The following ALDH1L1 variants were observed in gnomAD, a reference collection of about 807,000 sequenced individuals.
The protein encoded by ALDH1L1 is cytosolic 10-formyltetrahydrofolate dehydrogenase.
ALDH1L1 carries 68 observed loss-of-function variants against 101.1 expected under a neutral mutation model. That is an observed-to-expected ratio of 0.67 (90% confidence interval 0.55 to 0.82). The LOEUF is 0.82. ALDH1L1 is among the 40% of genes least tolerant of loss of function. The probability of loss-of-function intolerance (pLI) is 0.00; values close to 1 mark genes in which losing one functional copy is unlikely to be tolerated. For missense variants in ALDH1L1, 1,087 were observed against 1,172.7 expected, an observed-to-expected ratio of 0.93 and a Z score of 1.07; for synonymous variants, 486 against 470.8, an observed-to-expected ratio of 1.03 and a Z score of -0.42.
intron 1 of ALDH1L1, among the ~76,000 whole-genome samples, chr3:126,193,459 C>G (rs763513670): frequency 1.3e-5 from 2 of 152,124 alleles, no homozygotes; most frequent in Non-Finnish European, 2.9e-5. Context: ...AAAAAAATCC[C>G]CCTTTTTGCT....
chr3:126,170,352 C>T (rs2081249527), intron 1 of ALDH1L1, among the ~76,000 whole-genome samples: 1 of 149,946 alleles, frequency 6.7e-6, no homozygotes, highest in Non-Finnish European at 1.5e-5. Flanking sequence ...TTATTATCCT[C>T]ATAGCAGGAA....
intron 14 of ALDH1L1, among the ~76,000 whole-genome samples, chr3:126,126,614 A>C (rs1050591587): frequency 1.5e-4 from 23 of 152,180 alleles, no homozygotes; most frequent in Non-Finnish European, 2.6e-4. Flanking sequence ...GATTGGGAGC[A>C]CAGCACGGGC....
At chr3:126,155,665 G>A (rs994190252) in intron 4 of ALDH1L1, 162 bp from the exon 5 acceptor site, 12 of 559,918 alleles carry the variant, frequency 2.1e-5, no homozygotes, top group Non-Finnish European at 3.1e-5. Flanking sequence ...GGGAGTCAGC[G>A]TGAACCTAAC....
chr3:126,159,227 C>A (rs1420242075), intron 2 of ALDH1L1, among the ~76,000 whole-genome samples: 1 of 151,744 alleles, frequency 6.6e-6, no homozygotes. Context: ...TGCGTGCACA[C>A]ACACACACAC....
intron 12 of ALDH1L1, 37 bp from the exon 13 acceptor site, chr3:126,131,571 G>A (rs754419908): frequency 6.3e-7 from 1 of 1,581,620 alleles, no homozygotes; most frequent in Non-Finnish European, 8.6e-7. Flanking sequence ...GTGGGCTCAG[G>A]CCTGGCACGG....
rs557427445 is a variant in ALDH1L1, at chr3:126,162,148, G to T, written c.-23-1146C>A. 5.9e-5 allele frequency among the ~76,000 whole-genome samples: 9 copies of T among 152,222 alleles called. No homozygotes were observed. In the South Asian group the frequency reaches 1.5e-3, roughly 25 times the overall value. ...AATTTGGGTAGTTACCAGTTTAAAG[G>T]TATTACAAATAGGATGCTACAAAGA... On this transcript the variant is annotated intron_variant, in intron 1 of 22. Transcript: ENST00000393434.
Position 126,197,070 on chromosome 3 carries a change from T to A in ALDH1L1, c.-24+665A>T, listed in dbSNP as rs4679107. The stretch of plus-strand genomic sequence containing the variant: ...CGAAGTTACAAGTTCAAGCTACCAA[T>A]GACATAAAACAAGATGGAGACCTAA... On this transcript the variant is annotated intron_variant, in intron 1 of 2. Coordinates refer to the ALDH1L1 transcript ENST00000509952. Among the ~76,000 whole-genome samples the A allele has an allele frequency of 2.6e-5, 4 of 152,072 alleles. No homozygotes were observed. In the East Asian group the frequency reaches 7.7e-4, roughly 29 times the overall value.
chr3:126,137,884 C>T lies in ALDH1L1; in HGVS notation c.1153G>A (p.Gly385Arg). 1 of 1,614,204 alleles carries T rather than the reference C, an allele frequency of 6.2e-7. No homozygotes were observed. Among genetic ancestry groups the T allele is most frequent in the Admixed American group, 1.7e-5 (1 of 60,022 alleles). ...NEDVYMASTF[G>R]DFIQLLVRKL... ...CTCACTAACAGCTGGATGAAGTCCC[C>T]AAAGGTGGATGCCATGTACACATCT... Residue 385 changes from glycine (G) to arginine (R), a missense_variant, in exon 10 of 23, where the codon GGG (glycine) becomes AGG (arginine). This residue lies in a region of ALDH1L1 where 645 missense variants were observed against 637.0 expected (regional missense o/e 1.01). Coordinates refer to ENST00000393434, the MANE Select transcript of ALDH1L1 (RefSeq NM_012190.4).
Position 126,107,175 on chromosome 3 carries a change from C to T in ALDH1L1, c.2419G>A (p.Gly807Arg), listed in dbSNP as rs368465875. The change falls in exon 21 of 23, where the codon GGG becomes AGG. Residue 807 changes from glycine (G) to arginine (R), a missense_variant. This residue lies in a region of ALDH1L1 where 442 missense variants were observed against 535.7 expected (regional missense o/e 0.83). Coordinates refer to ENST00000393434, the MANE Select transcript of ALDH1L1 (RefSeq NM_012190.4). ...AACCGAGAGATGATCATGACAGGCC[C>T]GAAGGACTCCTCCTTGGCTATGAAC... ...HMFIAKEESF[G>R]PVMIISRFAD... is the part of the protein sequence containing the mutation. The T allele has an allele frequency of 1.7e-5, 28 of 1,614,056 alleles. No individual in the cohort carries two copies. Among genetic ancestry groups the T allele is most frequent in the East Asian group, 2.2e-5 (1 of 44,890 alleles).
intron 1 of ALDH1L1, among the ~76,000 whole-genome samples, chr3:126,179,071 A>G (rs62266680): frequency 0.26 from 39,343 of 152,232 alleles, 6,217 homozygotes; most frequent in African/African-American, 0.45. Context: ...AGGGGCCTCA[A>G]TCAGGCTTGC....
At chr3:126,181,166 A>G, upstream of ALDH1L1, 1 of 683,808 alleles carries the variant, frequency 1.5e-6, no homozygotes, top group Non-Finnish European at 2.5e-6. Flanking sequence ...TCTCCCTTCT[A>G]CTCAGTCCTG....
upstream of ALDH1L1, among the ~76,000 whole-genome samples, chr3:126,184,936 C>T (rs1275436443): frequency 1.3e-5 from 2 of 152,118 alleles, no homozygotes; most frequent in East Asian, 1.9e-4. Flanking sequence ...TAGGATGCCT[C>T]GTTCAGATGC....
Position 126,110,097 on chromosome 3 carries a change from G to A in ALDH1L1, c.2194C>T (p.Arg732Trp), listed in dbSNP as rs148110119. 26 of 1,613,986 alleles carry A rather than the reference G, an allele frequency of 1.6e-5. No individual in the cohort carries two copies. Among genetic ancestry groups the A allele is most frequent in the African/African-American group, 1.5e-4 (11 of 74,920 alleles). ...EFVRRVVEEV[R>W]KMKVGNPLDR... ...AGCGGGTTGCCCACCTTCATCTTCC[G>A]CACCTCTTCTACCTGCAGAAAGTCC... The change falls in exon 20 of 23, where the codon CGG (arginine) becomes TGG (tryptophan). Residue 732 changes from arginine to tryptophan, a missense_variant. Physicochemically the swap from Arg to Trp is moderately radical, Grantham distance 101. Coordinates refer to ENST00000393434, the MANE Select transcript of ALDH1L1 (RefSeq NM_012190.4).
At chr3:126,134,394 G>A (rs966621747) in intron 12 of ALDH1L1, among the ~76,000 whole-genome samples, 2 of 152,214 alleles carry the variant, frequency 1.3e-5, no homozygotes, top group Non-Finnish European at 2.9e-5. Context: ...CACCAAACGC[G>A]CACGCAGGGC....
chr3:126,117,648 TC>T (rs1276040811), intron 17 of ALDH1L1, among the ~76,000 whole-genome samples: 2 of 134,374 alleles, frequency 1.5e-5, no homozygotes, highest in African/African-American at 6.5e-5. Context: ...CAAGACCCTG[TC>T]TCAAAAAAAA....
rs932345374 is a variant in ALDH1L1, at chr3:126,148,713, AGTT to A, written c.984+1690_984+1692del. Among the ~76,000 whole-genome samples, 2 of 150,010 alleles carry A rather than the reference AGTT, an allele frequency of 1.3e-5. 1 individual carries two copies. The highest frequency in any genetic ancestry group is 1.3e-4 in the Admixed American group (2 of 15,032). On this transcript the variant is annotated intron_variant, in intron 8 of 22. Transcript: ENST00000393434. ...GGTACTGAGGGCACCTACTGCATAG[AGTT>A]GTTATCATGAATAAACACGCCGCTC... is the stretch of plus-strand genomic sequence containing the variant.
At chr3:126,190,572 G>A (rs13070856) in intron 1 of ALDH1L1, among the ~76,000 whole-genome samples, 36,926 of 152,114 alleles carry the variant, frequency 0.24, 5,014 homozygotes, top group Middle Eastern at 0.39. Context: ...CATCATAGAG[G>A]AGCTGACTTT....
upstream of ALDH1L1, chr3:126,181,040 C>A: frequency 1.3e-6 from 2 of 1,574,110 alleles, no homozygotes. Context: ...AGAGGCGGCC[C>A]CTTAGCAGCT....
chr3:126,111,420 G>A (rs994768567), intron 19 of ALDH1L1, among the ~76,000 whole-genome samples: 2 of 152,170 alleles, frequency 1.3e-5, no homozygotes, highest in Admixed American at 6.5e-5. Flanking sequence ...CCGCTGCCCC[G>A]CTGCCCCTGA....
Sources: gnomAD v4.1 joint callset for allele counts (sites outside exome capture counted in the v4.1 genomes callset) on GRCh38, gnomAD v4.1.1 for gene constraint, gnomAD v4.1.1 regional missense constraint, MANE v1.5 for transcripts, NCBI Gene and HGNC (gene_info 2026-07-23, HGNC 2026-07-21) for gene names.